TMEFF2: variants seen among roughly 807,000 people sequenced by gnomAD.
TMEFF2 encodes the protein tomoregulin-2.
A neutral mutation model predicts 53.8 loss-of-function variants in TMEFF2; 28 were observed. The observed-to-expected ratio is 0.52, with a 90% CI of 0.39 to 0.71. The LOEUF (loss-of-function observed/expected upper bound fraction) is 0.71. TMEFF2 is among the 30% of genes least tolerant of loss of function. The probability of loss-of-function intolerance (pLI) is 0.00; values close to 1 mark genes in which losing one functional copy is unlikely to be tolerated. For missense variants in TMEFF2, 353 were observed against 455.2 expected (o/e 0.78, Z 2.04); for synonymous variants, 162 against 166.3 (o/e 0.97, Z 0.20).
intron 4 of TMEFF2, among the ~76,000 whole-genome samples, chr2:192,076,268 T>C (rs1688429930): frequency 1.3e-5 from 2 of 152,150 alleles, no homozygotes; most frequent in Non-Finnish European, 2.9e-5. Flanking sequence ...ACATGCATTA[T>C]TGTCCTCTCC....
At chr2:192,035,203 C>T (rs950306557) in intron 5 of TMEFF2, 1 of 152,104 alleles carries the variant, frequency 6.6e-6, no homozygotes, top group Non-Finnish European at 1.5e-5. Flanking sequence ...CTATATCACC[C>T]AGGGATCCTG....
At chr2:192,193,794 A>ATTCTATT (rs1691529434) in intron 1 of TMEFF2, among the ~76,000 whole-genome samples, 1 of 129,764 alleles carries the variant, frequency 7.7e-6, no homozygotes. Context: ...AGAGAGAGAG[A>ATTCTATT]GAGAGAGAGA....
chr2:191,994,919 A>G (rs1686187568), intron 7 of TMEFF2, among the ~76,000 whole-genome samples: 2 of 151,992 alleles, frequency 1.3e-5, no homozygotes, highest in African/African-American at 4.8e-5. Context: ...GGGTCTCATT[A>G]AAGGAGAGAG....
In TMEFF2 at chr2:192,118,069, A is replaced by G. The variant is rs543743488; in HGVS notation, c.440-60294T>C. Among the ~76,000 whole-genome samples the G allele has an allele frequency of 1.3e-3, 199 of 151,676 alleles. 1 individual carries two copies. Among genetic ancestry groups the G allele is most frequent in the African/African-American group, 4.5e-3 (186 of 41,330 alleles). The stretch of plus-strand genomic sequence containing the variant: ...ACAGTTCCATTAATTAAAAAAAAAA[A>G]TAGATTTGGAATAAAATTAATCTAC... On this transcript the variant is annotated intron_variant, in intron 4 of 9. Transcript: ENST00000272771.
chr2:192,130,713 G>A lies in TMEFF2; in HGVS notation c.439+48955C>T, dbSNP rs560980704. Among the ~76,000 whole-genome samples, 34 of 151,256 alleles carry A rather than the reference G, an allele frequency of 2.2e-4. No individual in the cohort carries two copies. The South Asian group carries it at 4.4e-3, about 20-fold the overall frequency. On this transcript the variant is annotated intron_variant, in intron 4 of 9. Coordinates refer to ENST00000272771, the MANE Select transcript of TMEFF2 (RefSeq NM_016192.4). ...AACGGCCCCACCCCTATCTCCCTTC[G>A]CTGACTCTCTTTTCAGACTCAGCCC...
intron 4 of TMEFF2, among the ~76,000 whole-genome samples, chr2:192,069,982 GTGTGTGTATATA>G (rs1227927518): frequency 1.9e-3 from 16 of 8,260 alleles, no homozygotes; most frequent in African/African-American, 4.5e-3. Context: ...GTGTGTGTGT[GTGTGTGTATATA>G]TATATATATA....
chr2:192,020,632 C>T (rs948418723), intron 5 of TMEFF2, among the ~76,000 whole-genome samples: 1 of 151,956 alleles, frequency 6.6e-6, no homozygotes, highest in Non-Finnish European at 1.5e-5. Context: ...TGGATTAGCC[C>T]ATCTCTGTGT....
At chr2:192,003,943 C>A (rs1686434511) in intron 5 of TMEFF2, among the ~76,000 whole-genome samples, 2 of 148,502 alleles carry the variant, frequency 1.3e-5, no homozygotes, top group African/African-American at 2.5e-5. Context: ...GGGGGGCTCA[C>A]ACTCACCTCC....
intron 7 of TMEFF2, among the ~76,000 whole-genome samples, chr2:191,976,695 A>G (rs1015949600): frequency 2.6e-5 from 4 of 152,232 alleles, no homozygotes; most frequent in African/African-American, 9.6e-5. Flanking sequence ...ATACAATGCA[A>G]TGTGATGACT....
intron 4 of TMEFF2, among the ~76,000 whole-genome samples, chr2:192,107,678 CTATGTT>C (rs1393793729): frequency 6.6e-6 from 1 of 151,572 alleles, no homozygotes; most frequent in Non-Finnish European, 1.5e-5. Context: ...GATATTCTTC[CTATGTT>C]TATAAGACAC....
At chr2:192,062,185 G>A (rs1688061108) in intron 4 of TMEFF2, among the ~76,000 whole-genome samples, 2 of 151,980 alleles carry the variant, frequency 1.3e-5, no homozygotes, top group South Asian at 2.1e-4. Context: ...CTATATATGG[G>A]CAGATGTCTG....
chr2:192,027,434 T>C (rs1202041777), intron 5 of TMEFF2, among the ~76,000 whole-genome samples: 1 of 152,164 alleles, frequency 6.6e-6, no homozygotes, highest in African/African-American at 2.4e-5. Context: ...GATTATCACA[T>C]AGAACAGTAT....
At chr2:192,052,378 T>A (rs904614376) in intron 5 of TMEFF2, among the ~76,000 whole-genome samples, 2 of 152,194 alleles carry the variant, frequency 1.3e-5, no homozygotes, top group African/African-American at 4.8e-5. Context: ...CTGAACTACT[T>A]CTGACTGACA....
At chr2:192,002,200 T>G (rs138203935) in intron 5 of TMEFF2, among the ~76,000 whole-genome samples, 6 of 152,208 alleles carry the variant, frequency 3.9e-5, no homozygotes, top group Admixed American at 2.6e-4. Context: ...TTTCATGGAA[T>G]GGCTAAGAAA....
chr2:191,989,639 G>T (rs1686056208), intron 7 of TMEFF2, among the ~76,000 whole-genome samples: 1 of 152,064 alleles, frequency 6.6e-6, no homozygotes, highest in Admixed American at 6.6e-5. Context: ...GAGTCCACAA[G>T]TCTGAGAGCC....
At chr2:192,090,316 CTGAG>C (rs1413537226) in intron 4 of TMEFF2, among the ~76,000 whole-genome samples, 4 of 152,076 alleles carry the variant, frequency 2.6e-5, no homozygotes, top group Non-Finnish European at 4.4e-5. Context: ...AGTGGAGTGA[CTGAG>C]TTTTTCCAGA....
At chr2:192,150,328 C>T (rs141609861) in intron 4 of TMEFF2, among the ~76,000 whole-genome samples, 129 of 151,930 alleles carry the variant, frequency 8.5e-4, no homozygotes, top group African/African-American at 3.0e-3. Context: ...GTCAGCCATG[C>T]CCCTAACAAT....
intron 4 of TMEFF2, among the ~76,000 whole-genome samples, chr2:192,145,210 G>A (rs911426342): frequency 1.3e-5 from 2 of 151,690 alleles, no homozygotes; most frequent in African/African-American, 4.8e-5. Flanking sequence ...TGATTCCTTT[G>A]AAAAGTAACT....
At chr2:192,170,704 T>C (rs1236633978) in intron 4 of TMEFF2, among the ~76,000 whole-genome samples, 5 of 152,156 alleles carry the variant, frequency 3.3e-5, no homozygotes, top group Admixed American at 1.3e-4. Context: ...CAACATTATT[T>C]GAAATCCAGT....
Sources: allele counts gnomAD v4.1 joint callset (sites outside exome capture counted in the v4.1 genomes callset), GRCh38; gene constraint gnomAD v4.1.1; transcripts MANE v1.5; gene names NCBI Gene and HGNC (gene_info 2026-07-23, HGNC 2026-07-21).